Variants in ACSBG2 observed in about 807,000 individuals in gnomAD.
The protein encoded by ACSBG2 is long-chain-fatty-acid--CoA ligase ACSBG2.
In ACSBG2, 62 loss-of-function variants were observed where a neutral mutation model predicts 74.7. The observed-to-expected ratio is 0.83, with a 90% confidence interval of 0.68 to 1.03. ACSBG2 has a LOEUF of 1.03. Ranked by LOEUF, ACSBG2 falls within the 50% of genes least tolerant of loss-of-function variation. The pLI, the probability that ACSBG2 is intolerant of heterozygous loss-of-function variation, is 0.00. For synonymous variants in ACSBG2, 309 were observed against 294.1 expected, an observed-to-expected ratio of 1.05 and a Z score of -0.52; for missense variants, 730 against 817.6, an observed-to-expected ratio of 0.89 and a Z score of 1.31.
chr19:6,176,568 G>T, intron 7 of ACSBG2: 1 of 260,964 alleles, frequency 3.8e-6, no homozygotes, highest in South Asian at 7.0e-5. Context: ...TAAAGATCGG[G>T]GCACTCACAT....
intron 7 of ACSBG2, chr19:6,176,433 A>G (rs2090090762): frequency 1.4e-6 from 2 of 1,419,400 alleles, no homozygotes; most frequent in South Asian, 1.3e-5. Flanking sequence ...TGCTCCTGCC[A>G]TCCACGTGAT....
In ACSBG2 at chr19:6,180,006, G is replaced by A. The variant is rs568383053; in HGVS notation, c.906+2610G>A. Among the ~76,000 whole-genome samples, 5 of 152,234 alleles carry A rather than the reference G, an allele frequency of 3.3e-5. 1 individual carries two copies. Among genetic ancestry groups the A allele is most frequent in the African/African-American group, 1.2e-4 (5 of 41,526 alleles). ...TCATCAGGGCTGCATTCCTTCTAGAGGCTCTTGGGGACCTTTTCCAGCTTC... is the reference window on the plus strand; with the variant it reads ...TCATCAGGGCTGCATTCCTTCTAGAAGCTCTTGGGGACCTTTTCCAGCTTC... On this transcript the variant is annotated intron_variant, in intron 8 of 14. Coordinates refer to ENST00000588485, the MANE Select transcript of ACSBG2 (RefSeq NM_030924.5). The surrounding 1 kb of genome is among the most constrained non-coding windows in gnomAD (Gnocchi z 4.3).
At chr19:6,151,498 CA>C (rs1307171869) in intron 3 of ACSBG2, among the ~76,000 whole-genome samples, 2 of 152,034 alleles carry the variant, frequency 1.3e-5, no homozygotes, top group Admixed American at 1.3e-4. Context: ...TTTGTAAAGA[CA>C]GGGGTCTCAC....
intron 4 of ACSBG2, among the ~76,000 whole-genome samples, chr19:6,155,941 A>C (rs2089407202): frequency 6.6e-6 from 1 of 151,940 alleles, no homozygotes; most frequent in Non-Finnish European, 1.5e-5. Flanking sequence ...AAAAAATTGA[A>C]AGGGGCAAAA....
At chr19:6,179,743 G>A (rs915986132) in intron 8 of ACSBG2, among the ~76,000 whole-genome samples, 2 of 152,074 alleles carry the variant, frequency 1.3e-5, no homozygotes, top group African/African-American at 4.8e-5. Flanking sequence ...AGTCTCCCAA[G>A]CCGGGATTAC....
At chr19:6,184,502 AC>A (rs747832246) in intron 10 of ACSBG2, among the ~76,000 whole-genome samples, 1 of 151,786 alleles carries the variant, frequency 6.6e-6, no homozygotes, top group Non-Finnish European at 1.5e-5. Context: ...CCTACATTTA[AC>A]CCTGGGACCA....
chr19:6,158,639 T>C (rs1038513920), intron 5 of ACSBG2, among the ~76,000 whole-genome samples: 3 of 152,166 alleles, frequency 2.0e-5, no homozygotes, highest in Non-Finnish European at 4.4e-5. Context: ...GTTTCTTGAA[T>C]ACATGATTTC....
Position 6,185,618 on chromosome 19 carries a change from G to A in ACSBG2, c.1505G>A (p.Gly502Asp). The A allele has an allele frequency of 1.2e-6, 2 of 1,614,178 alleles. No homozygotes were observed. The highest frequency in any genetic ancestry group is 2.2e-5 in the East Asian group (1 of 44,880). ...TCTGGGGATCTGGGCCAGCTGGACGGTCTGGGTTTCCTCTATGTCACCGGC... is the reference window on the plus strand; with the variant it reads ...TCTGGGGATCTGGGCCAGCTGGACGATCTGGGTTTCCTCTATGTCACCGGC... ...LHSGDLGQLD[G>D]LGFLYVTGHI... Residue 502 changes from glycine to aspartate, a missense_variant, in exon 11 of 15, where the codon GGT becomes GAT. By Grantham distance (94) the Gly-to-Asp change is moderately conservative. Transcript: ENST00000588485.
chr19:6,161,457 G>A, intron 6 of ACSBG2, 162 bp downstream of exon 6: 2 of 610,986 alleles, frequency 3.3e-6, no homozygotes, highest in South Asian at 2.1e-5. Context: ...AGTGAAAGGT[G>A]AGGAAAGGAA....
At chr19:6,178,494 G>T (rs551126414) in intron 8 of ACSBG2, among the ~76,000 whole-genome samples, 1 of 152,136 alleles carries the variant, frequency 6.6e-6, no homozygotes, top group African/African-American at 2.4e-5. Context: ...CAATTCTCGT[G>T]CCTTAGCCTC....
chr19:6,181,007 G>A (rs1442685808), intron 8 of ACSBG2, among the ~76,000 whole-genome samples: 1 of 149,630 alleles, frequency 6.7e-6, no homozygotes, highest in African/African-American at 2.5e-5. Flanking sequence ...AGACCAGCCT[G>A]GCCAACATGG....
Position 6,185,496 on chromosome 19 carries a change from TG to T in ACSBG2, c.1387del (p.Glu463ArgfsTer83), listed in dbSNP as rs1600132237. 6.2e-7 allele frequency: 1 copy of T among 1,614,120 alleles called. No homozygotes were observed. Among genetic ancestry groups the T allele is most frequent in the Non-Finnish European group, 8.5e-7 (1 of 1,180,020 alleles). On this transcript the variant is annotated frameshift_variant, in exon 11 of 15. Coordinates refer to ENST00000588485, the MANE Select transcript of ACSBG2 (RefSeq NM_030924.5). LOFTEE classifies it high-confidence loss of function. ...MLFQQNKDGI[G>X]EICLWGRHIF... is the part of the protein sequence containing the mutation. ...TGTTCCAGCAGAACAAGGATGGCAT[TG>T]GGGAGATCTGCCTCTGGGGTAGGCA...
In ACSBG2 at chr19:6,141,628, G is replaced by A. The variant is rs79568886; in HGVS notation, c.67+18G>A. ...AACAGAAGGTATATTGCACTAAAGA[G>A]TACGTGGGAGAGAGAGTGGCACATT... is the stretch of plus-strand genomic sequence containing the variant. On this transcript the variant is annotated intron_variant, in intron 2 of 14. Coordinates refer to ENST00000588485, the MANE Select transcript of ACSBG2 (RefSeq NM_030924.5). 7.6e-5 allele frequency: 112 copies of A among 1,478,908 alleles called. No individual in the cohort carries two copies. In the East Asian group the frequency reaches 2.5e-3, roughly 33 times the overall value. 91.6% of individuals were successfully genotyped at this position (1,478,908 alleles called of 1,614,324 possible). A position where few individuals can be genotyped will look rare whatever the true frequency, so the allele number is the denominator to read the frequency against.
chr19:6,169,506 T>C (rs1271070720), intron 7 of ACSBG2, among the ~76,000 whole-genome samples: 1 of 152,254 alleles, frequency 6.6e-6, no homozygotes, highest in Non-Finnish European at 1.5e-5. Context: ...TAGTATAATT[T>C]GAAGTCAGAT....
chr19:6,158,190 G>C (rs546308698), intron 5 of ACSBG2, among the ~76,000 whole-genome samples: 22 of 151,914 alleles, frequency 1.4e-4, no homozygotes, highest in African/African-American at 4.8e-4. Flanking sequence ...CGAGTAGCTG[G>C]GACTACAGGT....
intron 5 of ACSBG2, 100 bp downstream of exon 5, chr19:6,156,651 T>C (rs947595266): frequency 1.1e-5 from 14 of 1,298,852 alleles, no homozygotes; most frequent in African/African-American, 7.6e-5. Context: ...AATGATAAGA[T>C]AGGGCCATGC....
intron 5 of ACSBG2, among the ~76,000 whole-genome samples, chr19:6,159,149 G>T (rs1268003200): frequency 6.6e-6 from 1 of 152,044 alleles, no homozygotes; most frequent in Admixed American, 6.6e-5. Context: ...GTCAAGACTG[G>T]ATTTCGCCAT....
chr19:6,165,827 A>T (rs1206666273), intron 6 of ACSBG2, 39 bp from the exon 7 acceptor site: 1 of 1,611,474 alleles, frequency 6.2e-7, no homozygotes, highest in Non-Finnish European at 8.5e-7. Context: ...AGGACTCCCG[A>T]CTGCCTTCTC....
chr19:6,141,029 A>G (rs1324912735), intron 1 of ACSBG2, among the ~76,000 whole-genome samples: 1 of 152,062 alleles, frequency 6.6e-6, no homozygotes, highest in African/African-American at 2.4e-5. Context: ...CTTTGGATGT[A>G]TTGTCCACAT....
Sources: gnomAD v4.1 joint callset for allele counts (sites outside exome capture counted in the v4.1 genomes callset) on GRCh38, gnomAD v4.1.1 for gene constraint, Gnocchi (gnomAD v3.1) non-coding constraint, MANE v1.5 for transcripts, NCBI Gene and HGNC (gene_info 2026-07-23, HGNC 2026-07-21) for gene names.